The following MTCL2 variants were observed in gnomAD, a reference collection of about 807,000 sequenced individuals.
MTCL2 encodes the protein microtubule crosslinking factor 2, also known as microtubule cross-linking factor 2.
the MTCL2 span, chr20:36,859,484 CA>C: frequency 1.1e-6 from 1 of 870,064 alleles, no homozygotes; most frequent in Non-Finnish European, 1.5e-6. Flanking sequence ...CCTTCTCAAG[CA>C]ATCATTCCAC....
the MTCL2 span, among the ~76,000 whole-genome samples, chr20:36,857,906 A>C: frequency 6.6e-6 from 1 of 152,104 alleles, no homozygotes; most frequent in Non-Finnish European, 1.5e-5. Context: ...AAGGGTCCTC[A>C]CGGCCCTGGG....
chr20:36,807,188 G>A, the MTCL2 span, among the ~76,000 whole-genome samples: 1 of 152,192 alleles, frequency 6.6e-6, no homozygotes, highest in African/African-American at 2.4e-5. Context: ...TGAGGCCCTG[G>A]GGAGGAGCTG....
chr20:36,834,343 C>T, the MTCL2 span, among the ~76,000 whole-genome samples: 11 of 151,990 alleles, frequency 7.2e-5, no homozygotes, highest in Admixed American at 7.2e-4. Flanking sequence ...AGGAATGAAA[C>T]CCAAAGCCAG....
the MTCL2 span, chr20:36,859,903 C>T: frequency 1.4e-5 from 17 of 1,231,154 alleles, no homozygotes; most frequent in Admixed American, 7.2e-4. Context: ...ACTCCAAGCC[C>T]TGGCAGCCTA....
the MTCL2 span, among the ~76,000 whole-genome samples, chr20:36,807,214 G>C: frequency 2.0e-5 from 3 of 152,202 alleles, no homozygotes; most frequent in African/African-American, 7.2e-5. Flanking sequence ...CTGCGAGAAT[G>C]ATGAGCCCCA....
chr20:36,863,359 G>C, the MTCL2 span: 1 of 1,164,784 alleles, frequency 8.6e-7, no homozygotes, highest in South Asian at 4.2e-5. The surrounding 1 kb of genome is among the most constrained non-coding windows in gnomAD (Gnocchi z 6.2). Context: ...GCCTCCCTCG[G>C]CCTCAGCGAG....
chr20:36,810,717 CCTCTCTCTCTCT>C, the MTCL2 span, among the ~76,000 whole-genome samples: 40 of 94,270 alleles, frequency 4.2e-4, no homozygotes, highest in African/African-American at 1.1e-3. Context: ...TCTCTCTCTC[CCTCTCTCTCTCT>C]CTCTCTCTCT....
chr20:36,796,437 G>A, the MTCL2 span, among the ~76,000 whole-genome samples: 3 of 152,334 alleles, frequency 2.0e-5, no homozygotes, highest in East Asian at 5.8e-4. Flanking sequence ...TCCTAACAGT[G>A]GAGACGTGGT....
At chr20:36,840,199 C>T in the MTCL2 span, among the ~76,000 whole-genome samples, 56 of 147,158 alleles carry the variant, frequency 3.8e-4, 1 homozygote, top group South Asian at 0.012. Context: ...GAGTCTCGCT[C>T]TGTCGCCCAG....
At chr20:36,850,459 G>A in the MTCL2 span, among the ~76,000 whole-genome samples, 1 of 151,968 alleles carries the variant, frequency 6.6e-6, no homozygotes, top group African/African-American at 2.4e-5. Context: ...CCAGGAGGTG[G>A]AGGTTGCAGT....
the MTCL2 span, among the ~76,000 whole-genome samples, chr20:36,820,987 T>G: frequency 6.6e-6 from 1 of 152,146 alleles, no homozygotes. Flanking sequence ...GCTTTCTTCT[T>G]TAATTTATGG....
chr20:36,803,881 C>T, the MTCL2 span, among the ~76,000 whole-genome samples: 6 of 137,916 alleles, frequency 4.4e-5, no homozygotes, highest in South Asian at 2.4e-4. Flanking sequence ...CTCTTGAACC[C>T]GGGAGGCGGA....
the MTCL2 span, among the ~76,000 whole-genome samples, chr20:36,837,264 G>A: frequency 6.6e-6 from 1 of 152,144 alleles, no homozygotes; most frequent in Non-Finnish European, 1.5e-5. Flanking sequence ...CGGGCCTGGG[G>A]GCCCTGGAGT....
At chr20:36,788,455 T>C in the MTCL2 span, among the ~76,000 whole-genome samples, 1 of 151,362 alleles carries the variant, frequency 6.6e-6, no homozygotes, top group African/African-American at 2.4e-5. Context: ...ATCGAGACCA[T>C]CTGAAACCCC....
At chr20:36,836,078 A>AC in the MTCL2 span, among the ~76,000 whole-genome samples, 7 of 18,508 alleles carry the variant, frequency 3.8e-4, no homozygotes, top group African/African-American at 1.0e-3. Flanking sequence ...TTCCCCCACC[A>AC]CCCCCCACCC....
the MTCL2 span, chr20:36,862,770 G>C: frequency 1.4e-6 from 2 of 1,442,904 alleles, no homozygotes; most frequent in Non-Finnish European, 1.8e-6. Context: ...GGCGCTGAGC[G>C]GCAAGCGGCT....
chr20:36,821,689 G>A, the MTCL2 span, among the ~76,000 whole-genome samples: 1 of 152,154 alleles, frequency 6.6e-6, no homozygotes, highest in African/African-American at 2.4e-5. Flanking sequence ...CTGCACTCCA[G>A]CCTGGGCAAC....
chr20:36,792,248 C>T, the MTCL2 span, among the ~76,000 whole-genome samples: 5 of 152,192 alleles, frequency 3.3e-5, no homozygotes, highest in Admixed American at 6.5e-5. Context: ...TGGCTCACGC[C>T]TGTAATCCTA....
At chr20:36,808,843 G>T in the MTCL2 span, 1 of 1,041,650 alleles carries the variant, frequency 9.6e-7, no homozygotes, top group Non-Finnish European at 1.4e-6. Flanking sequence ...TCTGGGTGGT[G>T]CCTGTGAGTG....
Sources: gnomAD v4.1 joint callset for allele counts (sites outside exome capture counted in the v4.1 genomes callset) on GRCh38, gnomAD v4.1.1 for gene constraint, Gnocchi (gnomAD v3.1) non-coding constraint, MANE v1.5 for transcripts, NCBI Gene and HGNC (gene_info 2026-07-23, HGNC 2026-07-21) for gene names.